The following MGAT4C variants were observed in gnomAD, a reference collection of about 807,000 sequenced individuals.
The protein encoded by MGAT4C is MGAT4 family member C.
In MGAT4C, 19 loss-of-function variants were observed where a neutral mutation model predicts 40.1. That is an observed-to-expected ratio of 0.47 (90% CI 0.33 to 0.70). The LOEUF (loss-of-function observed/expected upper bound fraction) is 0.70, where lower values mean the gene tolerates loss of function less well. Among genes scored for constraint, MGAT4C ranks in the 30% least tolerant of loss-of-function variants. MGAT4C has a pLI of 0.02. For missense variants in MGAT4C, 491 were observed against 563.2 expected, an observed-to-expected ratio of 0.87 and a Z score of 1.30; for synonymous variants, 181 against 187.1, an observed-to-expected ratio of 0.97 and a Z score of 0.27.
chr12:85,999,390 C>A (rs1447662232), intron 2 of MGAT4C, among the ~76,000 whole-genome samples: 1 of 151,922 alleles, frequency 6.6e-6, no homozygotes, highest in South Asian at 2.1e-4. Flanking sequence ...TTAAAGAAAT[C>A]GAAATTATAT....
upstream of MGAT4C, among the ~76,000 whole-genome samples, chr12:86,258,197 T>G (rs1952578014): frequency 1.3e-5 from 2 of 151,114 alleles, no homozygotes; most frequent in Admixed American, 6.6e-5. Context: ...TAACACTGAC[T>G]CACTCAATTT....
intron 1 of MGAT4C, among the ~76,000 whole-genome samples, chr12:86,790,815 A>G (rs566743508): frequency 6.6e-6 from 1 of 151,990 alleles, no homozygotes; most frequent in Non-Finnish European, 1.5e-5. Context: ...CCTAATCCTA[A>G]CTCTAGGTTC....
chr12:86,216,496 T>G (rs185275860), intron 1 of MGAT4C, among the ~76,000 whole-genome samples: 34 of 152,312 alleles, frequency 2.2e-4, no homozygotes, highest in Non-Finnish European at 4.4e-4. Context: ...AAGAAATTAG[T>G]GGGTTATGTA....
intron 1 of MGAT4C, among the ~76,000 whole-genome samples, chr12:86,066,350 A>T (rs2137020663): frequency 6.6e-6 from 1 of 152,296 alleles, no homozygotes; most frequent in Non-Finnish European, 1.5e-5. Flanking sequence ...TTGTACTGCT[A>T]CCAAAACAGA....
At chr12:86,278,639 C>G (rs1036404532) in intron 4 of MGAT4C, among the ~76,000 whole-genome samples, 2 of 152,164 alleles carry the variant, frequency 1.3e-5, no homozygotes, top group Non-Finnish European at 2.9e-5. Flanking sequence ...AGCATATCAT[C>G]TGCAAACAAA....
chr12:86,780,492 C>T (rs1412343827), intron 1 of MGAT4C, among the ~76,000 whole-genome samples: 2 of 152,114 alleles, frequency 1.3e-5, no homozygotes, highest in Non-Finnish European at 2.9e-5. Flanking sequence ...AGTGAGTTCT[C>T]ATGATATCTG....
intron 1 of MGAT4C, among the ~76,000 whole-genome samples, chr12:86,748,287 C>A (rs147716945): frequency 8.4e-4 from 128 of 151,644 alleles, no homozygotes; most frequent in African/African-American, 2.9e-3. Flanking sequence ...ACAAACAGTT[C>A]TAATTGTATA....
At chr12:85,987,303 AT>A (rs1229285040) in intron 3 of MGAT4C, among the ~76,000 whole-genome samples, 19 of 150,338 alleles carry the variant, frequency 1.3e-4, no homozygotes, top group Admixed American at 1.3e-3. Flanking sequence ...CGCCCGGCTA[AT>A]TTTTTTGTAT....
chr12:86,631,010 G>A lies in MGAT4C; in HGVS notation c.-229+96199C>T, dbSNP rs143181098. Among the ~76,000 whole-genome samples, 10 of 152,216 alleles carry A rather than the reference G, an allele frequency of 6.6e-5. No homozygotes were observed. In the East Asian group the frequency reaches 7.7e-4, roughly 12 times the overall value. ...GATGGTATATTTAGAAAACCCCATC[G>A]TCTCAGCCCAAAATCTCCTTAAGCT... On this transcript the variant is annotated intron_variant, in intron 2 of 7. Coordinates refer to the MGAT4C transcript ENST00000548651.
intron 1 of MGAT4C, among the ~76,000 whole-genome samples, chr12:86,065,505 A>G (rs1219423011): frequency 6.6e-6 from 1 of 152,206 alleles, no homozygotes; most frequent in Non-Finnish European, 1.5e-5. Context: ...GACAACATTC[A>G]ACACCCCTTC....
chr12:86,069,990 G>T (rs1894924326), intron 1 of MGAT4C, among the ~76,000 whole-genome samples: 1 of 151,948 alleles, frequency 6.6e-6, no homozygotes, highest in Non-Finnish European at 1.5e-5. Context: ...TCTTGACCTG[G>T]TGCCTTCCTT....
At chr12:86,734,036 G>C (rs1371917858) in intron 1 of MGAT4C, among the ~76,000 whole-genome samples, 1 of 152,116 alleles carries the variant, frequency 6.6e-6, no homozygotes, top group African/African-American at 2.4e-5. Flanking sequence ...GACAGCTAAG[G>C]TAGGATGGGA....
chr12:85,997,584 A>T (rs11117150), intron 2 of MGAT4C, among the ~76,000 whole-genome samples: 1 of 152,044 alleles, frequency 6.6e-6, no homozygotes, highest in Admixed American at 6.5e-5. Context: ...TACAGCCATT[A>T]CAAATGGAAG....
intron 1 of MGAT4C, among the ~76,000 whole-genome samples, chr12:86,232,293 G>C (rs781634149): frequency 8.5e-5 from 13 of 152,086 alleles, no homozygotes; most frequent in Non-Finnish European, 1.8e-4. Flanking sequence ...ATATTAGCTT[G>C]TTATCTATTC....
At chr12:86,357,311 C>T (rs1176987560) in intron 3 of MGAT4C, among the ~76,000 whole-genome samples, 1 of 152,066 alleles carries the variant, frequency 6.6e-6, no homozygotes, top group Non-Finnish European at 1.5e-5. Flanking sequence ...CACACCAAAA[C>T]CCCATCTGTA....
At chr12:86,041,138 ATT>A (rs112222286) in intron 2 of MGAT4C, among the ~76,000 whole-genome samples, 2 of 145,436 alleles carry the variant, frequency 1.4e-5, no homozygotes, top group African/African-American at 5.0e-5. Context: ...CATCTTGCCC[ATT>A]TTTTTTTTTC....
chr12:86,742,097 T>G (rs1441813097), intron 1 of MGAT4C, among the ~76,000 whole-genome samples: 1 of 151,410 alleles, frequency 6.6e-6, no homozygotes, highest in Non-Finnish European at 1.5e-5. Context: ...TATGGTTTCT[T>G]GGGTCACCTT....
At chr12:86,345,044 T>TTTCC (rs1954999336) in intron 3 of MGAT4C, among the ~76,000 whole-genome samples, 2 of 150,858 alleles carry the variant, frequency 1.3e-5, no homozygotes, top group South Asian at 4.2e-4. Flanking sequence ...AATGTGTTCC[T>TTTCC]TTTTTATTTT....
chr12:86,185,947 G>T (rs1031907063), intron 1 of MGAT4C, among the ~76,000 whole-genome samples: 4 of 151,928 alleles, frequency 2.6e-5, no homozygotes, highest in Non-Finnish European at 5.9e-5. Flanking sequence ...ATGGCATTAA[G>T]GAGACTTAGC....
Sources: allele counts gnomAD v4.1 joint callset (sites outside exome capture counted in the v4.1 genomes callset), GRCh38; gene constraint gnomAD v4.1.1; transcripts MANE v1.5; gene names NCBI Gene and HGNC (gene_info 2026-07-23, HGNC 2026-07-21).